CHD4: variants seen among roughly 807,000 people sequenced by gnomAD.
CHD4 encodes the protein chromodomain helicase DNA binding protein 4.
A neutral mutation model predicts 235.5 loss-of-function variants in CHD4; 35 were observed. The observed-to-expected ratio is 0.15, with a 90% confidence interval of 0.11 to 0.20. The LOEUF (loss-of-function observed/expected upper bound fraction) is 0.20, where lower values mean the gene tolerates loss of function less well. Among genes scored for constraint, CHD4 ranks in the 10% least tolerant of loss-of-function variants. CHD4 has a pLI of 1.00. For missense variants in CHD4, 1,329 were observed against 2,432.3 expected (o/e 0.55, Z 9.54); for synonymous variants, 900 against 850.2 (o/e 1.06, Z -1.02).
At chr12:6,595,788 C>CCA (rs1948481577) in intron 13 of CHD4, among the ~76,000 whole-genome samples, 1 of 82,526 alleles carries the variant, frequency 1.2e-5, no homozygotes, top group Admixed American at 1.5e-4. Flanking sequence ...GACTTCGTCT[C>CCA]AAAAAAAAAA....
At position 6,593,149 on chromosome 12, in the gene CHD4, A is replaced by G. The variant is rs1488707441; in HGVS notation, c.2594T>C (p.Ile865Thr). 6.2e-7 allele frequency: 1 copy of G among 1,614,116 alleles called. No homozygotes were observed. Among genetic ancestry groups the G allele is most frequent in the Non-Finnish European group, 8.5e-7 (1 of 1,180,054 alleles). ...ITIDMAILGSIDWACLIVDEA... is the reference protein window; with the variant it reads ...ITIDMAILGSTDWACLIVDEA... ...ATCCACGATGAGGCAGGCCCAATCA[A>G]TAGAGCCCAAAATAGCCATGTCAAT... Residue 865 changes from isoleucine to threonine, a missense_variant, in exon 17 of 40, where the codon ATT becomes ACT. Around this residue, in one of 26 missense-constraint regions of CHD4, gnomAD observed 78 missense variants for 174.8 expected, o/e 0.45. Coordinates refer to ENST00000544040, the MANE Select transcript of CHD4 (RefSeq NM_001273.5). The surrounding 1 kb of genome is among the most constrained non-coding windows in gnomAD (Gnocchi z 4.9).
chr12:6,575,361 T>TC (rs1948051282), intron 37 of CHD4, among the ~76,000 whole-genome samples: 1 of 149,288 alleles, frequency 6.7e-6, no homozygotes, highest in Non-Finnish European at 1.5e-5. Flanking sequence ...GGCAGGAGAA[T>TC]CGGTTGAAGC....
intron 1 of CHD4, 69 bp downstream of exon 1, chr12:6,607,231 G>A (rs1164648733): frequency 6.6e-6 from 1 of 152,130 alleles, no homozygotes; most frequent in East Asian, 1.9e-4. Context: ...AGGGGCGGGT[G>A]ACGGGATGAC....
intron 37 of CHD4, 132 bp from the exon 38 acceptor site, chr12:6,573,401 A>C: frequency 1.6e-6 from 1 of 629,426 alleles, no homozygotes; most frequent in Non-Finnish European, 2.5e-6. Flanking sequence ...TGGACAGCTC[A>C]TTCCCACACC....
chr12:6,589,301 G>A (rs1948352352), intron 22 of CHD4, among the ~76,000 whole-genome samples: 1 of 152,190 alleles, frequency 6.6e-6, no homozygotes. Flanking sequence ...GGAGAAACAG[G>A]ACACTGACAT....
chr12:6,596,271 T>A, intron 12 of CHD4, 134 bp from the exon 13 acceptor site: 1 of 1,106,058 alleles, frequency 9.0e-7, no homozygotes, highest in Non-Finnish European at 1.3e-6. Context: ...TCAGAGCCTC[T>A]ACTGTACCAG....
rs1555163920 is a variant in CHD4, at chr12:6,580,727, A to AAAAAAAAAG, written c.4909+316_4909+317insCTTTTTTTT. The AAAAAAAAAG allele has an allele frequency of 2.5e-5, 6 of 244,500 alleles. 1 individual carries two copies. Among genetic ancestry groups the AAAAAAAAAG allele is most frequent in the African/African-American group, 1.5e-4 (5 of 32,500 alleles). The allele number at this position is 244,500 out of a possible 1,614,324, so 15.1% of individuals were successfully genotyped here. A position where few individuals can be genotyped will look rare whatever the true frequency, so the allele number is the denominator to read the frequency against. ...TTGAAAAAAAAAAAAAAAAAAAAAA[A>AAAAAAAAAG]GCCAGGCACAGTGGCTCATGCCTGT... On this transcript the variant is annotated intron_variant, in intron 33 of 39. Transcript: ENST00000544040.
chr12:6,582,793 C>T lies in CHD4; in HGVS notation c.4237-45G>A, dbSNP rs745566542. 5 of 1,613,942 alleles carry T rather than the reference C, an allele frequency of 3.1e-6. No individual in the cohort carries two copies. In the East Asian group the frequency reaches 1.1e-4, roughly 36 times the overall value. ...AGGTGAGAGGCAGCAGGTCGCATTC[C>T]ACCAAAGATGCAATATCTGACACTC... On this transcript the variant is annotated intron_variant, in intron 28 of 39. Transcript: ENST00000544040.
intron 33 of CHD4, 101 bp downstream of exon 33, chr12:6,580,943 G>T: frequency 1.5e-6 from 2 of 1,330,866 alleles, no homozygotes; most frequent in South Asian, 1.3e-5. Flanking sequence ...GGAGGTGGAG[G>T]TTGCAGTAAG....
chr12:6,576,103 T>C lies in CHD4; in HGVS notation c.5361+1682A>G, dbSNP rs11064260. Among the ~76,000 whole-genome samples, 882 of 151,752 alleles carry C rather than the reference T, an allele frequency of 5.8e-3. 3 individuals are homozygous for C. Among genetic ancestry groups the C allele is most frequent in the Non-Finnish European group, 0.01 (708 of 67,946 alleles). On this transcript the variant is annotated intron_variant, in intron 37 of 39. Transcript: ENST00000544040. Reference sequence around the variant, plus strand: ...GATGGGCACAGTGGCTCACGCCTGTTATCTCAGCACTTTGGGAGTCCGAGG... The same window carrying C: ...GATGGGCACAGTGGCTCACGCCTGTCATCTCAGCACTTTGGGAGTCCGAGG...
chr12:6,589,788 C>A (rs944335971), intron 22 of CHD4, among the ~76,000 whole-genome samples: 2 of 151,110 alleles, frequency 1.3e-5, no homozygotes, highest in African/African-American at 4.9e-5. Flanking sequence ...AAGAAAAGGA[C>A]ACATCATCAC....
chr12:6,606,448 G>T lies in CHD4; in HGVS notation c.-75C>A. On this transcript the variant is annotated 5_prime_UTR_variant, in exon 2 of 40. Coordinates refer to ENST00000544040, the MANE Select transcript of CHD4 (RefSeq NM_001273.5). The stretch of plus-strand genomic sequence containing the variant: ...CCTGAGGACCTCTACACTGGCCCGA[G>T]TCACTGTGCGGGGGAGGGGGGAGAA... 2.4e-6 allele frequency: 2 copies of T among 831,928 alleles called. No homozygotes were observed. The highest frequency in any genetic ancestry group is 3.8e-6 in the Non-Finnish European group (2 of 530,400). The allele number at this position is 831,928 out of a possible 1,614,324, so 51.5% of individuals were successfully genotyped here. A position where few individuals can be genotyped will look rare whatever the true frequency, so the allele number is the denominator to read the frequency against.
At chr12:6,597,690 T>C (rs1948523397) in intron 12 of CHD4, among the ~76,000 whole-genome samples, 1 of 150,724 alleles carries the variant, frequency 6.6e-6, no homozygotes, top group Non-Finnish European at 1.5e-5. Flanking sequence ...CACTTGAATC[T>C]GGGAGGCAGA....
rs200931842 is a variant in CHD4, at chr12:6,573,041, G to A, written c.5557+33C>T. On this transcript the variant is annotated intron_variant, in intron 38 of 39. Coordinates refer to ENST00000544040, the MANE Select transcript of CHD4 (RefSeq NM_001273.5). ...AGGATGCAGTCAGATCAGGGAGGCC[G>A]AATCGGCAGGAGGCAGGGGAGCCAC... 1.2e-4 allele frequency: 184 copies of A among 1,577,612 alleles called. 1 individual carries two copies. Among genetic ancestry groups the A allele is most frequent in the South Asian group, 8.5e-4 (72 of 84,618 alleles).
chr12:6,587,200 C>T (rs1056908310), intron 25 of CHD4, 184 bp downstream of exon 25: 21 of 612,518 alleles, frequency 3.4e-5, no homozygotes, highest in Middle Eastern at 3.0e-4. Context: ...TTTCTGACAA[C>T]CAAGGCAAAG....
At chr12:6,586,493 G>A (rs1186568557) in intron 25 of CHD4, among the ~76,000 whole-genome samples, 1 of 152,152 alleles carries the variant, frequency 6.6e-6, no homozygotes, top group East Asian at 1.9e-4. Flanking sequence ...GGGAGGTCAA[G>A]GCAGGAGAAC....
chr12:6,591,647 A>G (rs766383960), intron 21 of CHD4, 47 bp downstream of exon 21: 33 of 1,613,932 alleles, frequency 2.0e-5, no homozygotes, highest in Middle Eastern at 1.7e-4. Context: ...TTAGGTCACT[A>G]AGGGTTGTCT....
chr12:6,597,971 A>G lies in CHD4; in HGVS notation c.1815T>C (p.Phe605=), dbSNP rs1948528764. 4 of 1,614,144 alleles carry G rather than the reference A, an allele frequency of 2.5e-6. No homozygotes were observed. Among genetic ancestry groups the G allele is most frequent in the Non-Finnish European group, 3.4e-6 (4 of 1,180,028 alleles). ...SRKRKNKDPK[F]AEMEERFYRY... is the part of the protein sequence containing the mutation. The stretch of plus-strand genomic sequence containing the variant: ...GATAGAAGCGTTCCTCCATCTCTGC[A>G]AATTTAGGGTCCTTGTTCTTTCGCT... Residue 605 remains phenylalanine, a synonymous_variant, in exon 12 of 40, where the codon TTT becomes TTC. Transcript: ENST00000544040.
At position 6,587,815 on chromosome 12, in the gene CHD4, C is replaced by G; in HGVS notation, c.3600G>C (p.Arg1200=). Residue 1200 remains arginine (R), a synonymous_variant, in exon 24 of 40, where the codon CGG becomes CGC. Coordinates refer to ENST00000544040, the MANE Select transcript of CHD4 (RefSeq NM_001273.5). ...KKMMLTHLVV[R]PGLGSKTGSM... ...ATCCAGTCTTGGAGCCCAGCCCAGG[C>G]CGCACCACTAGATGCGTCAGCATCA... 6.2e-7 allele frequency: 1 copy of G among 1,614,220 alleles called. No homozygotes were observed. Among genetic ancestry groups the G allele is most frequent in the Middle Eastern group, 1.6e-4 (1 of 6,062 alleles).
Sources: allele counts gnomAD v4.1 joint callset (sites outside exome capture counted in the v4.1 genomes callset), GRCh38; gene constraint gnomAD v4.1.1; regional missense constraint gnomAD v4.1.1; non-coding constraint Gnocchi (gnomAD v3.1); transcripts MANE v1.5; gene names NCBI Gene and HGNC (gene_info 2026-07-23, HGNC 2026-07-21).